The following NSL1 variants were observed in gnomAD, a reference collection of about 807,000 sequenced individuals.
NSL1 encodes NSL1 component of MIS12 kinetochore complex.
In NSL1, 11 loss-of-function variants were observed where a neutral mutation model predicts 25.4. The observed-to-expected ratio is 0.43, with a 90% confidence interval of 0.27 to 0.72. NSL1 has a LOEUF of 0.72. Ranked by LOEUF, NSL1 falls within the 30% of genes least tolerant of loss-of-function variation. NSL1 has a pLI of 0.19. For synonymous variants in NSL1, 118 were observed against 120.6 expected (o/e 0.98, Z 0.14); for missense variants, 330 against 342.7 (o/e 0.96, Z 0.29).
At chr1:212,773,116 C>T (rs966249784) in intron 4 of NSL1, among the ~76,000 whole-genome samples, 5 of 152,138 alleles carry the variant, frequency 3.3e-5, no homozygotes, top group Admixed American at 1.3e-4. Context: ...GAAAAACACT[C>T]TAGGACATCC....
At position 212,726,825 on chromosome 1, in the gene NSL1, C is replaced by T. The variant is rs1157158681; in HGVS notation, c.*11583G>A. ...TCCTCCCACAATCCTCCATGTGGCACGTGGGGATCTCCAAATGACTTCTGT... is the reference window on the plus strand; with the variant it reads ...TCCTCCCACAATCCTCCATGTGGCATGTGGGGATCTCCAAATGACTTCTGT... On this transcript the variant is annotated 3_prime_UTR_variant, in exon 6 of 6. Coordinates refer to ENST00000366977, the MANE Select transcript of NSL1 (RefSeq NM_015471.4). 1.4e-5 allele frequency: 4 copies of T among 279,880 alleles called. No individual in the cohort carries two copies. The highest frequency in any genetic ancestry group is 4.4e-5 in the African/African-American group (2 of 45,736). The allele number at this position is 279,880 out of a possible 1,614,324, so 17.3% of individuals were successfully genotyped here. A position where few individuals can be genotyped will look rare whatever the true frequency, so the allele number is the denominator to read the frequency against.
intron 4 of NSL1, among the ~76,000 whole-genome samples, chr1:212,779,072 G>A (rs1192089593): frequency 6.6e-6 from 1 of 151,214 alleles, no homozygotes; most frequent in Non-Finnish European, 1.5e-5. Flanking sequence ...TAGGAAGTGA[G>A]GAGCGTCTCT....
At chr1:212,764,843 C>CAAAAAAA (rs3086471) in intron 4 of NSL1, among the ~76,000 whole-genome samples, 205 of 38,902 alleles carry the variant, frequency 5.3e-3, no homozygotes, top group Non-Finnish European at 5.9e-3. Context: ...AAGACTGTCT[C>CAAAAAAA]AAAAAAAAAA....
intron 4 of NSL1, among the ~76,000 whole-genome samples, chr1:212,766,971 G>A (rs1558054128): frequency 6.6e-6 from 1 of 152,166 alleles, no homozygotes; most frequent in Non-Finnish European, 1.5e-5. Flanking sequence ...CACATCCCAT[G>A]TTCATGGATG....
intron 4 of NSL1, among the ~76,000 whole-genome samples, chr1:212,770,837 A>G (rs1660071208): frequency 6.6e-6 from 1 of 152,232 alleles, no homozygotes. Context: ...CAAAAGTCCC[A>G]CTAGATCATA....
chr1:212,731,025 T>G lies in NSL1; in HGVS notation c.*7383A>C, dbSNP rs1657991038. ...AGACACAGCAACGAATTACAAGGGATTCTTTACCCCTGAAGCTTCAAATGA... is the reference window on the plus strand; with the variant it reads ...AGACACAGCAACGAATTACAAGGGAGTCTTTACCCCTGAAGCTTCAAATGA... On this transcript the variant is annotated 3_prime_UTR_variant, in exon 6 of 6. Transcript: ENST00000366977. The G allele has an allele frequency of 1.0e-6, 1 of 985,362 alleles. No homozygotes were observed. Among genetic ancestry groups the G allele is most frequent in the African/African-American group, 1.7e-5 (1 of 57,322 alleles). The allele number at this position is 985,362 out of a possible 1,614,324, so 61.0% of individuals were successfully genotyped here. A position where few individuals can be genotyped will look rare whatever the true frequency, so the allele number is the denominator to read the frequency against.
intron 4 of NSL1, among the ~76,000 whole-genome samples, chr1:212,776,011 T>C (rs1209122588): frequency 6.6e-6 from 1 of 151,892 alleles, no homozygotes; most frequent in Non-Finnish European, 1.5e-5. Flanking sequence ...GTATTTTTAG[T>C]AGAGACGGGG....
At chr1:212,791,506 A>G in intron 1 of NSL1, 24 bp downstream of exon 1, 1 of 1,594,298 alleles carries the variant, frequency 6.3e-7, no homozygotes, top group African/African-American at 1.3e-5. Context: ...TGATGAGTAA[A>G]GAACTGGCTA....
chr1:212,736,381 T>C lies in NSL1; in HGVS notation c.*2027A>G, dbSNP rs1429689206. ...TATTCAATCCAGACTCTTTTTATCA[T>C]AGAGCAAGATTTGATTTTCAATTTT... On this transcript the variant is annotated 3_prime_UTR_variant, in exon 6 of 6. Coordinates refer to ENST00000366977, the MANE Select transcript of NSL1 (RefSeq NM_015471.4). 2 of 985,110 alleles carry C rather than the reference T, an allele frequency of 2.0e-6. No individual in the cohort carries two copies. The highest frequency in any genetic ancestry group is 1.7e-5 in the African/African-American group (1 of 57,248). The allele number at this position is 985,110 out of a possible 1,614,324, so 61.0% of individuals were successfully genotyped here. A position where few individuals can be genotyped will look rare whatever the true frequency, so the allele number is the denominator to read the frequency against.
chr1:212,785,415 T>C (rs1000029011), intron 2 of NSL1, among the ~76,000 whole-genome samples: 3 of 152,126 alleles, frequency 2.0e-5, no homozygotes, highest in African/African-American at 4.8e-5. Flanking sequence ...TATGTATACA[T>C]GTGCCATGTC....
intron 2 of NSL1, among the ~76,000 whole-genome samples, chr1:212,786,932 G>C (rs1660971251): frequency 6.6e-6 from 1 of 151,988 alleles, no homozygotes; most frequent in Non-Finnish European, 1.5e-5. Context: ...TGTAATACCA[G>C]CACTTTAGGA....
In NSL1 at chr1:212,753,148, T is replaced by G. The variant is rs528780356; in HGVS notation, c.500-13547A>C. On this transcript the variant is annotated intron_variant, in intron 4 of 5. Coordinates refer to ENST00000366977, the MANE Select transcript of NSL1 (RefSeq NM_015471.4). ...AGATGTGTTGAACCCATTTGCTCAGTAGATGAAATCCTCTGCAGCACACCT... is the reference window on the plus strand; with the variant it reads ...AGATGTGTTGAACCCATTTGCTCAGGAGATGAAATCCTCTGCAGCACACCT... 1.9e-3 allele frequency among the ~76,000 whole-genome samples: 297 copies of G among 152,312 alleles called. 1 individual carries two copies. The highest frequency in any genetic ancestry group is 3.5e-3 in the Non-Finnish European group (241 of 68,020).
chr1:212,787,328 G>A (rs988331707), intron 2 of NSL1, among the ~76,000 whole-genome samples: 10 of 152,142 alleles, frequency 6.6e-5, no homozygotes, highest in African/African-American at 2.4e-4. Flanking sequence ...AATAATTACA[G>A]AAATTCCCTG....
intron 4 of NSL1, among the ~76,000 whole-genome samples, chr1:212,775,717 A>C (rs73083705): frequency 0.23 from 34,482 of 152,082 alleles, 4,625 homozygotes; most frequent in African/African-American, 0.38. Context: ...AAAAGTGAAC[A>C]CAGAAAAAAA....
intron 4 of NSL1, among the ~76,000 whole-genome samples, chr1:212,746,523 T>C (rs945727171): frequency 6.6e-6 from 1 of 152,084 alleles, no homozygotes; most frequent in Non-Finnish European, 1.5e-5. Context: ...AATACCAAAA[T>C]AGCAAAAGTC....
At position 212,731,770 on chromosome 1, in the gene NSL1, A is replaced by G; in HGVS notation, c.*6638T>C. On this transcript the variant is annotated 3_prime_UTR_variant, in exon 6 of 6. Coordinates refer to ENST00000366977, the MANE Select transcript of NSL1 (RefSeq NM_015471.4). ...GATTTCACTCCCCACTGCCATGTCAAAGCTGGTGTTCAGACAGTCACACTG... is the reference window on the plus strand; with the variant it reads ...GATTTCACTCCCCACTGCCATGTCAGAGCTGGTGTTCAGACAGTCACACTG... 10 of 985,410 alleles carry G rather than the reference A, an allele frequency of 1.0e-5. No individual in the cohort carries two copies. The highest frequency in any genetic ancestry group is 1.2e-5 in the Non-Finnish European group (10 of 829,928). 61.0% of individuals were successfully genotyped at this position (985,410 alleles called of 1,614,324 possible).
At chr1:212,779,641 T>C (rs1401227837) in intron 4 of NSL1, among the ~76,000 whole-genome samples, 5 of 120,114 alleles carry the variant, frequency 4.2e-5, no homozygotes, top group Admixed American at 7.7e-5. Flanking sequence ...AGCTGCCCCA[T>C]CTGGGAGGTG....
At position 212,736,666 on chromosome 1, in the gene NSL1, T is replaced by C; in HGVS notation, c.*1742A>G. On this transcript the variant is annotated 3_prime_UTR_variant, in exon 6 of 6. Coordinates refer to ENST00000366977, the MANE Select transcript of NSL1 (RefSeq NM_015471.4). ...TCTCAAGAGGATTTCAAATCTCAGC[T>C]GTCTGCCTGGGGACTTTAAAATATA... 1 of 984,802 alleles carries C rather than the reference T, an allele frequency of 1.0e-6. No homozygotes were observed. The highest frequency in any genetic ancestry group is 1.2e-6 in the Non-Finnish European group (1 of 829,312). 61.0% of individuals were successfully genotyped at this position (984,802 alleles called of 1,614,324 possible).
At chr1:212,754,156 C>T (rs76031447) in intron 4 of NSL1, among the ~76,000 whole-genome samples, 3,463 of 152,240 alleles carry the variant, frequency 0.023, 62 homozygotes, top group South Asian at 0.041. Flanking sequence ...CTAAGACTTC[C>T]TAGTCAAGTT....
Sources: allele counts gnomAD v4.1 joint callset (sites outside exome capture counted in the v4.1 genomes callset), GRCh38; gene constraint gnomAD v4.1.1; transcripts MANE v1.5; gene names NCBI Gene and HGNC (gene_info 2026-07-23, HGNC 2026-07-21).